The following PRKG1 variants were observed in gnomAD, a reference collection of about 807,000 sequenced individuals.
PRKG1 encodes the protein protein kinase cGMP-dependent 1.
In PRKG1, 35 loss-of-function variants were observed where a neutral mutation model predicts 88.1. That is an observed-to-expected ratio of 0.40 (90% confidence interval 0.30 to 0.53). PRKG1 has a LOEUF of 0.53. Among genes scored for constraint, PRKG1 ranks in the 20% least tolerant of loss-of-function variants. PRKG1 has a pLI of 0.59. For synonymous variants in PRKG1, 303 were observed against 292.5 expected, an observed-to-expected ratio of 1.04 and a Z score of -0.37; for missense variants, 540 against 839.8, an observed-to-expected ratio of 0.64 and a Z score of 4.41.
intron 1 of PRKG1, among the ~76,000 whole-genome samples, chr10:51,142,409 A>T (rs1424406676): frequency 6.6e-6 from 1 of 151,988 alleles, no homozygotes; most frequent in Admixed American, 6.6e-5. Context: ...TTGACTCTTT[A>T]TTCAGGTGAG....
chr10:52,009,590 A>T (rs146808770), intron 5 of PRKG1, among the ~76,000 whole-genome samples: 1 of 152,300 alleles, frequency 6.6e-6, no homozygotes, highest in African/African-American at 2.4e-5. Context: ...TAAAATGGCC[A>T]TACTGCCCAA....
intron 2 of PRKG1, among the ~76,000 whole-genome samples, chr10:51,321,823 G>T (rs1841464611): frequency 2.6e-5 from 4 of 152,112 alleles, no homozygotes. Context: ...TTACCCTGAT[G>T]TGATTATTAT....
At chr10:51,959,762 C>T (rs1291663172) in intron 5 of PRKG1, among the ~76,000 whole-genome samples, 1 of 152,022 alleles carries the variant, frequency 6.6e-6, no homozygotes, top group African/African-American at 2.4e-5. Flanking sequence ...CAGATGATGC[C>T]AAGATTTCTA....
chr10:52,271,380 T>G lies in PRKG1; in HGVS notation c.1204T>G (p.Phe402Val). ...VQLKSEESKT[F>V]AMKILKKRHI... Reference sequence around the variant, plus strand: ...GTTGAAAAGTGAAGAATCCAAAACGTTTGCAATGAAGATTCTCAAGAAACG... The same window carrying G: ...GTTGAAAAGTGAAGAATCCAAAACGGTTGCAATGAAGATTCTCAAGAAACG... Residue 402 changes from phenylalanine (F) to valine (V), a missense_variant, in exon 11 of 18, where the codon TTT (phenylalanine) becomes GTT (valine). By Grantham distance (50) the Phe-to-Val change is conservative. Around this residue, in one of 5 missense-constraint regions of PRKG1, gnomAD observed 400 missense variants for 562.7 expected, o/e 0.71. Coordinates refer to ENST00000373980, the MANE Select transcript of PRKG1 (RefSeq NM_006258.4). The G allele has an allele frequency of 6.2e-7, 1 of 1,612,734 alleles. No homozygotes were observed. The highest frequency in any genetic ancestry group is 8.5e-7 in the Non-Finnish European group (1 of 1,179,198).
intron 1 of PRKG1, among the ~76,000 whole-genome samples, chr10:51,067,231 C>G (rs968418346): frequency 2.7e-5 from 4 of 148,472 alleles, no homozygotes; most frequent in African/African-American, 5.0e-5. Flanking sequence ...TGCTGTCGCT[C>G]CTTTAATTAT....
intron 2 of PRKG1, among the ~76,000 whole-genome samples, chr10:51,271,518 C>CCTTTAAAGTAATTTAAAGTGATTAA (rs1355952895): frequency 6.6e-6 from 1 of 151,996 alleles, no homozygotes; most frequent in African/African-American, 2.4e-5. Flanking sequence ...AGACACTGAG[C>CCTTTAAAGTAATTTAAAGTGATTAA]CTTTAAAGTA....
intron 2 of PRKG1, among the ~76,000 whole-genome samples, chr10:51,356,012 C>A (rs774503993): frequency 2.0e-5 from 3 of 152,006 alleles, no homozygotes; most frequent in African/African-American, 4.8e-5. Flanking sequence ...CCTGCTAAAC[C>A]TGCACATTTT....
chr10:52,098,027 C>T (rs1171491600), intron 7 of PRKG1, among the ~76,000 whole-genome samples: 1 of 151,914 alleles, frequency 6.6e-6, no homozygotes, highest in African/African-American at 2.4e-5. Flanking sequence ...AGATAAAATA[C>T]ATAAATTTTG....
rs79752345 is a variant in PRKG1 at position 51,264,868 on chromosome 10, A to G, written c.478+111538A>G. Among the ~76,000 whole-genome samples the G allele has an allele frequency of 6.2e-3, 946 of 152,282 alleles. 8 individuals carry two copies. Among genetic ancestry groups the G allele is most frequent in the African/African-American group, 0.022 (920 of 41,548 alleles). ...CATATATTTGGGAATTGTCCTTTTAAGTTGTAAGTATGTCTTAAAATTATT... is the reference window on the plus strand; with the variant it reads ...CATATATTTGGGAATTGTCCTTTTAGGTTGTAAGTATGTCTTAAAATTATT... On this transcript the variant is annotated intron_variant, in intron 2 of 17. Transcript: ENST00000373980.
chr10:51,319,385 A>G (rs74726141), intron 2 of PRKG1, among the ~76,000 whole-genome samples: 4,765 of 152,288 alleles, frequency 0.031, 121 homozygotes, highest in South Asian at 0.076. Flanking sequence ...TAATTCTTTG[A>G]CCTAGTTAAC....
intron 5 of PRKG1, among the ~76,000 whole-genome samples, chr10:51,915,476 A>T (rs927145988): frequency 2.6e-5 from 4 of 151,872 alleles, no homozygotes; most frequent in African/African-American, 9.7e-5. Flanking sequence ...CCCTCATTTC[A>T]CTTGTGTCTT....
intron 5 of PRKG1, among the ~76,000 whole-genome samples, chr10:51,913,420 T>C (rs1247632876): frequency 6.6e-6 from 1 of 152,216 alleles, no homozygotes; most frequent in African/African-American, 2.4e-5. Flanking sequence ...TTTATGTCCA[T>C]GTGCACTCAA....
intron 3 of PRKG1, among the ~76,000 whole-genome samples, chr10:51,750,481 T>A (rs1221089134): frequency 6.6e-6 from 1 of 152,212 alleles, no homozygotes; most frequent in Non-Finnish European, 1.5e-5. Context: ...TTTAAAACAT[T>A]TACTAATGAT....
At chr10:51,367,203 T>G (rs1305840045) in intron 2 of PRKG1, among the ~76,000 whole-genome samples, 1 of 151,946 alleles carries the variant, frequency 6.6e-6, no homozygotes, top group African/African-American at 2.4e-5. Context: ...GGGAGGCTTT[T>G]AACAGTTATG....
intron 3 of PRKG1, among the ~76,000 whole-genome samples, chr10:51,499,462 A>G (rs767591646): frequency 6.6e-6 from 1 of 152,226 alleles, no homozygotes; most frequent in East Asian, 1.9e-4. Context: ...TAAATCATCT[A>G]GTGGAATTAC....
rs538069582 is a variant in PRKG1, at chr10:51,396,976, A to G, written c.479-70747A>G. Among the ~76,000 whole-genome samples, 9 of 152,324 alleles carry G rather than the reference A, an allele frequency of 5.9e-5. No homozygotes were observed. In the South Asian group the frequency reaches 1.9e-3, roughly 32 times the overall value. ...AAGTCCATGAAAAGAAAATATCAAT[A>G]TTTTAATTACAGGCAGGATCTGACT... On this transcript the variant is annotated intron_variant, in intron 2 of 17. Transcript: ENST00000373980.
chr10:52,191,329 A>ATT lies in PRKG1; in HGVS notation c.1076+29381_1076+29382dup, dbSNP rs34410355. Reference sequence around the variant, plus strand: ...GAGTGGCAGGAGCCATGCTCCAGCTATTTTTTTTTTTTTTTTCTTACAGAG... The same window carrying ATT: ...GAGTGGCAGGAGCCATGCTCCAGCTATTTTTTTTTTTTTTTTTTCTTACAGAG... On this transcript the variant is annotated intron_variant, in intron 9 of 17. Transcript: ENST00000373980. 3.9e-3 allele frequency among the ~76,000 whole-genome samples: 540 copies of ATT among 138,320 alleles called. 27 individuals are homozygous for ATT. The East Asian group carries it at 0.088, about 23-fold the overall frequency. 90.7% of individuals were successfully genotyped at this position (138,320 alleles called of 152,430 possible).
intron 2 of PRKG1, among the ~76,000 whole-genome samples, chr10:51,335,747 C>T (rs989632568): frequency 1.3e-5 from 2 of 152,098 alleles, no homozygotes; most frequent in African/African-American, 2.4e-5. Context: ...AGAGCTGTCA[C>T]CTTACTTTCA....
At chr10:51,551,907 T>C (rs867716276) in intron 3 of PRKG1, among the ~76,000 whole-genome samples, 5 of 151,730 alleles carry the variant, frequency 3.3e-5, no homozygotes, top group Middle Eastern at 3.2e-3. Flanking sequence ...AAATTAGTCA[T>C]TATACATTTT....
Sources: allele counts gnomAD v4.1 joint callset (sites outside exome capture counted in the v4.1 genomes callset), GRCh38; gene constraint gnomAD v4.1.1; regional missense constraint gnomAD v4.1.1; transcripts MANE v1.5; gene names NCBI Gene and HGNC (gene_info 2026-07-23, HGNC 2026-07-21).